The following ANKS1B variants were observed in gnomAD, a reference collection of about 807,000 sequenced individuals.
ANKS1B encodes the protein ankyrin repeat and sterile alpha motif domain-containing protein 1B.
A neutral mutation model predicts 148.3 loss-of-function variants in ANKS1B; 36 were observed. The observed-to-expected ratio is 0.24, with a 90% CI of 0.19 to 0.32. The LOEUF (loss-of-function observed/expected upper bound fraction) is 0.32. Among genes scored for constraint, ANKS1B ranks in the 10% least tolerant of loss-of-function variants. The probability of loss-of-function intolerance (pLI) is 1.00; values close to 1 mark genes in which losing one functional copy is unlikely to be tolerated. For missense variants in ANKS1B, 1,157 were observed against 1,542.6 expected, an observed-to-expected ratio of 0.75 and a Z score of 4.19; for synonymous variants, 542 against 560.8, an observed-to-expected ratio of 0.97 and a Z score of 0.47.
At chr12:98,908,004 C>G (rs2099781752) in intron 17 of ANKS1B, among the ~76,000 whole-genome samples, 1 of 152,124 alleles carries the variant, frequency 6.6e-6, no homozygotes, top group African/African-American at 2.4e-5. Flanking sequence ...ATTACCCGGT[C>G]TCAGGTATGT....
At chr12:99,820,203 T>C (rs1042658119) in intron 2 of ANKS1B, among the ~76,000 whole-genome samples, 1 of 151,928 alleles carries the variant, frequency 6.6e-6, no homozygotes, top group African/African-American at 2.4e-5. Flanking sequence ...TAGAGTACAT[T>C]TTCCATTGTG....
chr12:99,200,206 C>T (rs912545024), intron 14 of ANKS1B, among the ~76,000 whole-genome samples: 2 of 152,188 alleles, frequency 1.3e-5, no homozygotes, highest in African/African-American at 4.8e-5. Flanking sequence ...TCAGTCTCTT[C>T]AGAGAAGGTA....
intron 14 of ANKS1B, chr12:99,155,099 T>C: frequency 6.6e-7 from 1 of 1,519,638 alleles, no homozygotes. Context: ...ACAGAGCTAT[T>C]TGTTGTGGAA....
chr12:98,798,607 C>A (rs1405207371), intron 22 of ANKS1B, among the ~76,000 whole-genome samples: 1 of 151,960 alleles, frequency 6.6e-6, no homozygotes, highest in African/African-American at 2.4e-5. Context: ...AGTAAATATT[C>A]TCAGACTATT....
At chr12:98,837,285 C>T (rs1461383948) in intron 17 of ANKS1B, among the ~76,000 whole-genome samples, 3 of 148,964 alleles carry the variant, frequency 2.0e-5, no homozygotes, top group African/African-American at 5.0e-5. Flanking sequence ...TGCAGTGAGC[C>T]GAGATTACGC....
chr12:99,890,979 C>T (rs2093071532), intron 1 of ANKS1B, among the ~76,000 whole-genome samples: 1 of 152,200 alleles, frequency 6.6e-6, no homozygotes, highest in South Asian at 2.1e-4. Context: ...AACCATTCTT[C>T]TACTTTCTGC....
At chr12:98,818,268 T>A (rs1295393793) in intron 19 of ANKS1B, among the ~76,000 whole-genome samples, 1 of 151,162 alleles carries the variant, frequency 6.6e-6, no homozygotes, top group Admixed American at 6.7e-5. Flanking sequence ...ATAAAAGAAG[T>A]CCTCGGCTAC....
chr12:99,154,274 C>T lies in ANKS1B; in HGVS notation c.2526+15G>A. ...CAGACAAAAGGCAGCTCCGTGGACA[C>T]AGAGAGCTTCTTACCATAAACTGCA... is the stretch of plus-strand genomic sequence containing the variant. On this transcript the variant is annotated intron_variant, in intron 15 of 26. Transcript: ENST00000683438. The T allele has an allele frequency of 6.2e-7, 1 of 1,613,216 alleles. No homozygotes were observed. The highest frequency in any genetic ancestry group is 8.5e-7 in the Non-Finnish European group (1 of 1,179,426).
At chr12:98,831,986 T>C in intron 18 of ANKS1B, 43 bp downstream of exon 18, 1 of 1,515,866 alleles carries the variant, frequency 6.6e-7, no homozygotes, top group Non-Finnish European at 9.0e-7. Flanking sequence ...AAATAGTTCT[T>C]AAGATAAGGG....
At chr12:99,941,045 T>G in intron 1 of ANKS1B, among the ~76,000 whole-genome samples, 1 of 152,172 alleles carries the variant, frequency 6.6e-6, no homozygotes, top group East Asian at 1.9e-4. Flanking sequence ...GAGACTATAC[T>G]TTTTCAATGG....
Position 99,806,611 on chromosome 12 carries a change from C to G in ANKS1B, c.462G>C (p.Pro154=), listed in dbSNP as rs764911317. ...TTTCCAGCTTGCTATTTCTAATTGT[C>G]GGGTCAGTGAGCTCTTCTAGGAGAA... ...VAVLLEELTD[P]TIRNSKLETP... is the part of the protein sequence containing the mutation. The change falls in exon 4 of 27, where the codon CCG becomes CCC. Residue 154 remains proline, a synonymous_variant. Coordinates refer to ENST00000683438, the MANE Select transcript of ANKS1B (RefSeq NM_001352186.2). 6.2e-7 allele frequency: 1 copy of G among 1,613,912 alleles called. No homozygotes were observed. Among genetic ancestry groups the G allele is most frequent in the East Asian group, 2.2e-5 (1 of 44,870 alleles).
chr12:99,812,784 T>A (rs1212435116), intron 2 of ANKS1B, among the ~76,000 whole-genome samples: 1 of 151,450 alleles, frequency 6.6e-6, no homozygotes, highest in African/African-American at 2.4e-5. Flanking sequence ...ACAAGTATAT[T>A]CCTTGTTTAC....
intron 1 of ANKS1B, among the ~76,000 whole-genome samples, chr12:99,910,445 C>T (rs2093966853): frequency 6.7e-6 from 1 of 148,558 alleles, no homozygotes; most frequent in Non-Finnish European, 1.5e-5. Flanking sequence ...TGAAAGAAGA[C>T]AGTCATATAG....
At chr12:99,349,814 T>C (rs938169679) in intron 12 of ANKS1B, among the ~76,000 whole-genome samples, 1 of 152,022 alleles carries the variant, frequency 6.6e-6, no homozygotes, top group Non-Finnish European at 1.5e-5. Flanking sequence ...TCAATGATAC[T>C]GTAAGCCAAC....
At chr12:99,035,505 G>A (rs1277726071) in intron 17 of ANKS1B, among the ~76,000 whole-genome samples, 2 of 152,248 alleles carry the variant, frequency 1.3e-5, no homozygotes, top group East Asian at 1.9e-4. Flanking sequence ...TTGTTGAAAC[G>A]AAGTGTAAAA....
chr12:99,949,045 C>T (rs1035998789), intron 1 of ANKS1B, among the ~76,000 whole-genome samples: 1 of 152,148 alleles, frequency 6.6e-6, no homozygotes, highest in African/African-American at 2.4e-5. Context: ...ACAAATTAAA[C>T]CACTTTTAAC....
At chr12:99,602,958 T>C (rs1004561453) in intron 9 of ANKS1B, among the ~76,000 whole-genome samples, 2 of 152,094 alleles carry the variant, frequency 1.3e-5, no homozygotes, top group Non-Finnish European at 2.9e-5. Flanking sequence ...CTAGTAAAGA[T>C]ACTCAAAGTA....
At chr12:99,098,775 C>G (rs763398908) in intron 15 of ANKS1B, among the ~76,000 whole-genome samples, 9 of 151,144 alleles carry the variant, frequency 6.0e-5, no homozygotes, top group African/African-American at 2.2e-4. Flanking sequence ...CCCCCACCCC[C>G]AGCTCTGCCA....
At chr12:99,727,913 G>C (rs1331612516) in intron 8 of ANKS1B, among the ~76,000 whole-genome samples, 1 of 152,072 alleles carries the variant, frequency 6.6e-6, no homozygotes, top group Non-Finnish European at 1.5e-5. Flanking sequence ...TCAATAAAAG[G>C]TGCTGGGAAA....
Sources: allele counts gnomAD v4.1 joint callset (sites outside exome capture counted in the v4.1 genomes callset), GRCh38; gene constraint gnomAD v4.1.1; transcripts MANE v1.5; gene names NCBI Gene and HGNC (gene_info 2026-07-23, HGNC 2026-07-21).